Variants in PIP4K2A observed in about 807,000 individuals in gnomAD.
The protein encoded by PIP4K2A is phosphatidylinositol 5-phosphate 4-kinase type-2 alpha.
In PIP4K2A, 14 loss-of-function variants were observed where a neutral mutation model predicts 42.9. The ratio of observed to expected loss-of-function variants is 0.33; its 90% CI spans 0.22 to 0.51. The LOEUF (loss-of-function observed/expected upper bound fraction) is 0.51. Ranked by LOEUF, PIP4K2A falls within the 20% of genes least tolerant of loss-of-function variation. The pLI, the probability that PIP4K2A is intolerant of heterozygous loss-of-function variation, is 0.97. For missense variants in PIP4K2A, 434 were observed against 519.8 expected (o/e 0.83, Z 1.61); for synonymous variants, 192 against 192.2 (o/e 1.00, Z 0.01).
At chr10:22,681,006 CT>C (rs1282293477) in intron 1 of PIP4K2A, among the ~76,000 whole-genome samples, 2 of 152,146 alleles carry the variant, frequency 1.3e-5, no homozygotes, top group Non-Finnish European at 2.9e-5. Flanking sequence ...GAAGATGCAA[CT>C]AACCTGAATA....
At chr10:22,604,456 G>A (rs1339991134) in intron 3 of PIP4K2A, among the ~76,000 whole-genome samples, 2 of 151,818 alleles carry the variant, frequency 1.3e-5, no homozygotes, top group African/African-American at 2.4e-5. Flanking sequence ...TAAACCAGAC[G>A]ATGGAGCCCC....
intron 3 of PIP4K2A, among the ~76,000 whole-genome samples, chr10:22,596,235 C>T (rs1018591035): frequency 7.5e-5 from 9 of 120,012 alleles, no homozygotes; most frequent in Admixed American, 1.6e-4. Flanking sequence ...AGGATTTACT[C>T]GAAGACTCGA....
chr10:22,690,053 C>G (rs1839833298), intron 1 of PIP4K2A, among the ~76,000 whole-genome samples: 1 of 152,140 alleles, frequency 6.6e-6, no homozygotes, highest in African/African-American at 2.4e-5. Flanking sequence ...TTTCTCAAAA[C>G]TTAAATTACT....
At chr10:22,618,517 G>C (rs993922919) in intron 1 of PIP4K2A, among the ~76,000 whole-genome samples, 3 of 152,186 alleles carry the variant, frequency 2.0e-5, no homozygotes, top group African/African-American at 4.8e-5. Flanking sequence ...GTTGTGATCA[G>C]AACTTTCACT....
intron 1 of PIP4K2A, among the ~76,000 whole-genome samples, chr10:22,648,515 C>T (rs769001223): frequency 6.6e-6 from 1 of 152,072 alleles, no homozygotes; most frequent in East Asian, 1.9e-4. Flanking sequence ...AATATTTTGC[C>T]TTTTCCAAGT....
At chr10:22,569,885 G>A (rs1416011124) in intron 5 of PIP4K2A, among the ~76,000 whole-genome samples, 5 of 152,126 alleles carry the variant, frequency 3.3e-5, no homozygotes, top group Admixed American at 1.3e-4. Context: ...AATGCCAGAT[G>A]TACAGGTTCC....
At chr10:22,677,750 T>C (rs1839585842) in intron 1 of PIP4K2A, among the ~76,000 whole-genome samples, 1 of 152,224 alleles carries the variant, frequency 6.6e-6, no homozygotes, top group Admixed American at 6.5e-5. Flanking sequence ...TGGCAAGCAG[T>C]AACACAGATT....
intron 1 of PIP4K2A, chr10:22,659,505 A>T (rs748085681): frequency 2.0e-5 from 3 of 152,314 alleles, no homozygotes; most frequent in Non-Finnish European, 4.4e-5. Flanking sequence ...GAGTAATTCT[A>T]TATTATTTCA....
At chr10:22,704,982 A>G (rs2130922257) in intron 1 of PIP4K2A, among the ~76,000 whole-genome samples, 1 of 152,292 alleles carries the variant, frequency 6.6e-6, no homozygotes, top group Non-Finnish European at 1.5e-5. Context: ...ATGTCTGTAG[A>G]CTGACGGACC....
At chr10:22,664,170 T>TATATATATACATATATATAC (rs1839293234) in intron 1 of PIP4K2A, among the ~76,000 whole-genome samples, 34 of 61,810 alleles carry the variant, frequency 5.5e-4, no homozygotes, top group South Asian at 2.7e-3. Flanking sequence ...TATATATACA[T>TATATATATACATATATATAC]ATATATATAT....
At chr10:22,629,223 T>C (rs899438637) in intron 1 of PIP4K2A, among the ~76,000 whole-genome samples, 7 of 152,190 alleles carry the variant, frequency 4.6e-5, no homozygotes, top group Admixed American at 2.6e-4. Flanking sequence ...CATACACTAT[T>C]GAAACCTTAA....
intron 1 of PIP4K2A, chr10:22,694,060 C>A (rs1182463114): frequency 6.6e-6 from 1 of 152,106 alleles, no homozygotes; most frequent in African/African-American, 2.4e-5. Context: ...CCCCTGGGTG[C>A]CACAGGGCTG....
At chr10:22,617,746 T>C (rs752642812) in intron 1 of PIP4K2A, among the ~76,000 whole-genome samples, 1 of 152,010 alleles carries the variant, frequency 6.6e-6, no homozygotes, top group Non-Finnish European at 1.5e-5. Context: ...AGCTATTTCA[T>C]GGCAGCATGA....
chr10:22,661,751 T>C (rs1396608093), intron 1 of PIP4K2A: 3 of 152,190 alleles, frequency 2.0e-5, no homozygotes, highest in South Asian at 2.1e-4. Context: ...ACCTGGTATG[T>C]AGTGTGTACC....
intron 6 of PIP4K2A, 171 bp downstream of exon 6, chr10:22,567,680 G>T: frequency 1.3e-6 from 1 of 766,726 alleles, no homozygotes; most frequent in Non-Finnish European, 2.4e-6. Flanking sequence ...GAAGAGAAAT[G>T]AAGTAGAACT....
rs560699765 is a variant in PIP4K2A at position 22,593,110 on chromosome 10, G to A, written c.340-1329C>T. Among the ~76,000 whole-genome samples the A allele has an allele frequency of 2.0e-4, 30 of 152,304 alleles. No homozygotes were observed. The South Asian group carries it at 6.2e-3, about 32-fold the overall frequency. Reference sequence around the variant, plus strand: ...ACCACCTGAGGTAGAATCCATTGCAGCAGTGCAGGGGTTTACGCAGGCCCT... The same window carrying A: ...ACCACCTGAGGTAGAATCCATTGCAACAGTGCAGGGGTTTACGCAGGCCCT... On this transcript the variant is annotated intron_variant, in intron 3 of 9. Coordinates refer to ENST00000376573, the MANE Select transcript of PIP4K2A (RefSeq NM_005028.5).
chr10:22,537,406 A>G, intron 9 of PIP4K2A, 125 bp from the exon 10 acceptor site: 1 of 709,986 alleles, frequency 1.4e-6, no homozygotes. Flanking sequence ...AAATCCATGC[A>G]GTCTCTGCTC....
chr10:22,551,265 C>T (rs1170443738), intron 6 of PIP4K2A, among the ~76,000 whole-genome samples: 2 of 152,172 alleles, frequency 1.3e-5, no homozygotes, highest in Non-Finnish European at 2.9e-5. Context: ...ATAATCATAT[C>T]TACTTTCTGC....
At chr10:22,554,078 T>G (rs2130765938) in intron 6 of PIP4K2A, among the ~76,000 whole-genome samples, 1 of 152,156 alleles carries the variant, frequency 6.6e-6, no homozygotes, top group Middle Eastern at 3.4e-3. Context: ...GAGGTCAAAG[T>G]TGCAGAGAGC....
Sources: allele counts gnomAD v4.1 joint callset (sites outside exome capture counted in the v4.1 genomes callset), GRCh38; gene constraint gnomAD v4.1.1; transcripts MANE v1.5; gene names NCBI Gene and HGNC (gene_info 2026-07-23, HGNC 2026-07-21).